The following PROSER2 variants were observed in gnomAD, a reference collection of about 807,000 sequenced individuals.
PROSER2 encodes the protein proline and serine-rich protein 2.
PROSER2 carries 18 observed loss-of-function variants against 14.6 expected under a neutral mutation model. The observed-to-expected ratio is 1.23, with a 90% CI of 0.85 to 1.83. PROSER2 has a LOEUF of 1.83. Among genes scored for constraint, PROSER2 ranks in the 40% most tolerant of loss-of-function variants. The pLI, the probability that PROSER2 is intolerant of heterozygous loss-of-function variation, is 0.00. For missense variants in PROSER2, 823 were observed against 629.8 expected (o/e 1.31, Z -3.28); for synonymous variants, 367 against 286.4 (o/e 1.28, Z -2.84).
At chr10:11,855,338 T>G (rs370555289) in intron 2 of PROSER2, among the ~76,000 whole-genome samples, 17 of 151,674 alleles carry the variant, frequency 1.1e-4, no homozygotes, top group East Asian at 3.9e-4. Flanking sequence ...GCTGGGCGTG[T>G]TGGCGGGCGC....
At chr10:11,828,233 C>A (rs1833641121) in intron 1 of PROSER2, among the ~76,000 whole-genome samples, 1 of 149,314 alleles carries the variant, frequency 6.7e-6, no homozygotes, top group Admixed American at 6.7e-5. Flanking sequence ...CTTTCCTTTA[C>A]AAACCGGATT....
At chr10:11,847,936 C>T (rs894288940) in intron 1 of PROSER2, among the ~76,000 whole-genome samples, 1 of 152,190 alleles carries the variant, frequency 6.6e-6, no homozygotes, top group Non-Finnish European at 1.5e-5. Context: ...TTTATTACCT[C>T]TTAAATAATC....
intron 1 of PROSER2, among the ~76,000 whole-genome samples, chr10:11,847,866 C>A (rs1023448618): frequency 4.6e-5 from 7 of 152,224 alleles, no homozygotes; most frequent in Admixed American, 6.5e-5. Context: ...TGACAGCCAC[C>A]ACAGTTTTCA....
intron 2 of PROSER2, among the ~76,000 whole-genome samples, chr10:11,858,857 A>G (rs1029311068): frequency 6.6e-6 from 1 of 151,480 alleles, no homozygotes; most frequent in Non-Finnish European, 1.5e-5. Flanking sequence ...AAAAATAAAC[A>G]AGTTAGCTGG....
chr10:11,829,331 T>C (rs1327345015), intron 1 of PROSER2, among the ~76,000 whole-genome samples: 2 of 151,390 alleles, frequency 1.3e-5, no homozygotes, highest in African/African-American at 2.4e-5. Flanking sequence ...ATGCCTGTAA[T>C]CCCAACACTT....
In PROSER2 at chr10:11,831,000, TAA is replaced by T. The variant is rs1207742060; in HGVS notation, c.-82+7533_-82+7534del. On this transcript the variant is annotated intron_variant, in intron 1 of 3. Transcript: ENST00000277570. This position sits in a 1 kb window ranked among gnomAD's most constrained non-coding sequence, Gnocchi z 4.5. ...CAAAGGGACTGGTGGAAGATGAGGT[TAA>T]AAGTTTCATGCTTTGGATTCCCACC... Among the ~76,000 whole-genome samples the T allele has an allele frequency of 2.0e-5, 3 of 152,218 alleles. No individual in the cohort carries two copies. The highest frequency in any genetic ancestry group is 2.9e-5 in the Non-Finnish European group (2 of 68,038).
chr10:11,868,221 CTT>C (rs756402144), intron 3 of PROSER2, among the ~76,000 whole-genome samples: 118 of 152,354 alleles, frequency 7.7e-4, no homozygotes, highest in Admixed American at 1.5e-3. Flanking sequence ...GGAAAACACT[CTT>C]TGAAAAATCA....
Position 11,862,575 on chromosome 10 carries a change from T to C in PROSER2, c.139-3956T>C, listed in dbSNP as rs539145156. 2.5e-3 allele frequency among the ~76,000 whole-genome samples: 382 copies of C among 152,256 alleles called. 2 individuals carry two copies. The highest frequency in any genetic ancestry group is 8.6e-3 in the African/African-American group (358 of 41,556). On this transcript the variant is annotated intron_variant, in intron 2 of 3. Transcript: ENST00000277570. The surrounding 1 kb of genome is among the most constrained non-coding windows in gnomAD (Gnocchi z 4.2). ...TGGGTATGGTAGTGTTTGCCTGTAG[T>C]TCCAGCCACTGGGGAGGCTGAGGTG... is the stretch of plus-strand genomic sequence containing the variant.
chr10:11,842,948 T>TC (rs950971604), intron 1 of PROSER2, among the ~76,000 whole-genome samples: 11 of 111,544 alleles, frequency 9.9e-5, no homozygotes, highest in African/African-American at 3.4e-4. Flanking sequence ...TTTTTTTTTT[T>TC]TTTTTTTTTT....
In PROSER2 at chr10:11,838,768, A is replaced by C. The variant is rs1024822499; in HGVS notation, c.-81-13229A>C. ...TAGTGAGGTTGAACATCTGTCTTGT[A>C]CTTAATAATCATCTGGTTTCCTCGT... On this transcript the variant is annotated intron_variant, in intron 1 of 3. Coordinates refer to ENST00000277570, the MANE Select transcript of PROSER2 (RefSeq NM_153256.4). The surrounding 1 kb of genome is among the most constrained non-coding windows in gnomAD (Gnocchi z 4.4). Among the ~76,000 whole-genome samples, 5 of 152,332 alleles carry C rather than the reference A, an allele frequency of 3.3e-5. No homozygotes were observed. Among genetic ancestry groups the C allele is most frequent in the African/African-American group, 9.6e-5 (4 of 41,584 alleles).
In PROSER2 at chr10:11,839,039, A is replaced by C. The variant is rs540254572; in HGVS notation, c.-81-12958A>C. 4.6e-5 allele frequency among the ~76,000 whole-genome samples: 7 copies of C among 152,340 alleles called. No individual in the cohort carries two copies. In the South Asian group the frequency reaches 1.4e-3, roughly 32 times the overall value. On this transcript the variant is annotated intron_variant, in intron 1 of 3. Transcript: ENST00000277570. Reference sequence around the variant, plus strand: ...TGAGTCCTAATGAATAGAAAGATTAATAGAGCAAAATAGGAAATTCAGAAA... The same window carrying C: ...TGAGTCCTAATGAATAGAAAGATTACTAGAGCAAAATAGGAAATTCAGAAA...
chr10:11,859,580 A>G (rs1232085957), intron 2 of PROSER2, among the ~76,000 whole-genome samples: 2 of 152,100 alleles, frequency 1.3e-5, no homozygotes, highest in Non-Finnish European at 2.9e-5. Flanking sequence ...TTTCCTATCT[A>G]CATAGTTCCT....
chr10:11,847,154 A>AATATATATATATATATAT (rs200913870), intron 1 of PROSER2, among the ~76,000 whole-genome samples: 1 of 88,250 alleles, frequency 1.1e-5, no homozygotes, highest in African/African-American at 3.8e-5. Context: ...AACATAAATA[A>AATATATATATATATATAT]ATATATATAT....
intron 1 of PROSER2, among the ~76,000 whole-genome samples, chr10:11,846,511 C>T (rs911093283): frequency 6.6e-6 from 1 of 152,160 alleles, no homozygotes; most frequent in Non-Finnish European, 1.5e-5. Flanking sequence ...TCTGTTTATG[C>T]CATCTGTCGA....
At chr10:11,829,835 ATTTT>A (rs5783232) in intron 1 of PROSER2, among the ~76,000 whole-genome samples, 47 of 66,270 alleles carry the variant, frequency 7.1e-4, no homozygotes, top group African/African-American at 2.6e-3. Flanking sequence ...TTTACTTCTG[ATTTT>A]TTTTTTTTTT....
intron 1 of PROSER2, among the ~76,000 whole-genome samples, chr10:11,843,543 G>T (rs1833881255): frequency 6.6e-6 from 1 of 151,916 alleles, no homozygotes; most frequent in Non-Finnish European, 1.5e-5. Context: ...AAAATTATAG[G>T]CGCGTGGTAG....
chr10:11,842,979 C>A (rs1432396241), intron 1 of PROSER2, among the ~76,000 whole-genome samples: 1 of 86,448 alleles, frequency 1.2e-5, no homozygotes, highest in East Asian at 3.3e-4. Context: ...CTTGCTCTGT[C>A]GCCCAGGCTG....
At chr10:11,863,486 C>T (rs1251599899) in intron 2 of PROSER2, among the ~76,000 whole-genome samples, 1 of 151,560 alleles carries the variant, frequency 6.6e-6, no homozygotes. Flanking sequence ...TACAGCGAGT[C>T]AGGATCGCGC....
intron 1 of PROSER2, among the ~76,000 whole-genome samples, chr10:11,834,845 G>T (rs1230913499): frequency 1.3e-5 from 2 of 152,078 alleles, no homozygotes; most frequent in African/African-American, 4.8e-5. Context: ...GCTCACGCCT[G>T]TAATCAATCC....
Sources: gnomAD v4.1 joint callset for allele counts (sites outside exome capture counted in the v4.1 genomes callset) on GRCh38, gnomAD v4.1.1 for gene constraint, Gnocchi (gnomAD v3.1) non-coding constraint, MANE v1.5 for transcripts, NCBI Gene and HGNC (gene_info 2026-07-23, HGNC 2026-07-21) for gene names.